PTBP2: variants seen among roughly 807,000 people sequenced by gnomAD.
PTBP2 encodes the protein polypyrimidine tract-binding protein 2.
PTBP2 carries 13 observed loss-of-function variants against 61.4 expected under a neutral mutation model. That is an observed-to-expected ratio of 0.21 (90% CI 0.14 to 0.34). The LOEUF (loss-of-function observed/expected upper bound fraction) is 0.34. Ranked by LOEUF, PTBP2 falls within the 10% of genes least tolerant of loss-of-function variation. PTBP2 has a pLI of 1.00. For missense variants in PTBP2, 405 were observed against 642.6 expected, an observed-to-expected ratio of 0.63 and a Z score of 4.00; for synonymous variants, 215 against 218.5, an observed-to-expected ratio of 0.98 and a Z score of 0.14.
intron 2 of PTBP2, among the ~76,000 whole-genome samples, chr1:96,744,779 G>T (rs1653525479): frequency 6.6e-6 from 1 of 152,074 alleles, no homozygotes; most frequent in African/African-American, 2.4e-5. Context: ...ATTATGGTTT[G>T]ATCATTCTTT....
At chr1:96,815,714 CAAGA>C (rs1028077265), downstream of PTBP2, 4 of 151,948 alleles carry the variant, frequency 2.6e-5, no homozygotes, top group Non-Finnish European at 5.9e-5. Flanking sequence ...CAGTTACCTC[CAAGA>C]AAGAAGAATA....
exon 14 of PTBP2, chr1:96,820,068 G>T (rs992887803): frequency 1.3e-5 from 2 of 151,902 alleles, no homozygotes; most frequent in African/African-American, 2.4e-5. Context: ...AAAAAGCATA[G>T]ACATTGACAT....
intron 2 of PTBP2, among the ~76,000 whole-genome samples, chr1:96,729,040 T>C (rs1651003081): frequency 2.0e-5 from 3 of 152,174 alleles, no homozygotes. Flanking sequence ...TCATCAGATT[T>C]GCTTGAGAGG....
intron 8 of PTBP2, among the ~76,000 whole-genome samples, chr1:96,803,112 T>C (rs962332442): frequency 6.6e-6 from 1 of 152,152 alleles, no homozygotes; most frequent in Non-Finnish European, 1.5e-5. Context: ...CATGGAAAAG[T>C]TAGTAATATA....
chr1:96,732,975 G>A (rs1651639852), intron 2 of PTBP2, among the ~76,000 whole-genome samples: 1 of 150,846 alleles, frequency 6.6e-6, no homozygotes, highest in African/African-American at 2.4e-5. Context: ...CTATATACCT[G>A]TAATTTTCCA....
intron 2 of PTBP2, 66 bp downstream of exon 2, chr1:96,723,660 A>G (rs1557676980): frequency 1.4e-6 from 2 of 1,442,720 alleles, no homozygotes; most frequent in East Asian, 4.6e-5. Flanking sequence ...GGAAAATTTT[A>G]GCTTTTGCTT....
Position 96,813,390 on chromosome 1 carries a change from C to A in PTBP2, c.1581C>A (p.Ser527=). The part of the protein sequence containing the change: ...GENHHLRVSF[S]KSTI ...ACCATCATCTGAGAGTGTCTTTCTC[C>A]AAGTCAACAATTTAAAAATGGGAAG... The change falls in exon 14 of 14, where the codon TCC becomes TCA. Residue 527 remains serine, a synonymous_variant. Transcript: ENST00000674951. 1 of 1,589,596 alleles carries A rather than the reference C, an allele frequency of 6.3e-7. No homozygotes were observed. Among genetic ancestry groups the A allele is most frequent in the Non-Finnish European group, 8.6e-7 (1 of 1,168,742 alleles).
chr1:96,742,329 A>G (rs948400989), intron 2 of PTBP2, among the ~76,000 whole-genome samples: 2 of 152,340 alleles, frequency 1.3e-5, no homozygotes, highest in Middle Eastern at 3.4e-3. Flanking sequence ...GAACAGGGAT[A>G]CTTGGACTAA....
Position 96,813,495 on chromosome 1 carries a change from T to G in PTBP2, c.*90T>G. On this transcript the variant is annotated 3_prime_UTR_variant, in exon 14 of 14. Coordinates refer to ENST00000674951, the MANE Select transcript of PTBP2 (RefSeq NM_021190.4). ...AGAAAAGTGGGGACCAGAGTTTGAT[T>G]TTTTTTGTTTTTGTTTTTTTGGGGT... The G allele has an allele frequency of 7.8e-7, 1 of 1,283,678 alleles. No individual in the cohort carries two copies. The allele number at this position is 1,283,678 out of a possible 1,614,324, so 79.5% of individuals were successfully genotyped here. A position where few individuals can be genotyped will look rare whatever the true frequency, so the allele number is the denominator to read the frequency against.
At chr1:96,744,324 A>T (rs605401) in intron 2 of PTBP2, among the ~76,000 whole-genome samples, 50,645 of 151,996 alleles carry the variant, frequency 0.33, 8,699 homozygotes, top group East Asian at 0.46. Flanking sequence ...ATATATATAT[A>T]TTTTTTAATT....
intron 2 of PTBP2, among the ~76,000 whole-genome samples, chr1:96,745,554 A>G (rs2100877415): frequency 1.3e-5 from 2 of 152,292 alleles, no homozygotes; most frequent in Admixed American, 1.3e-4. Context: ...TTTTTCATGT[A>G]AATGACAAAA....
intron 2 of PTBP2, among the ~76,000 whole-genome samples, chr1:96,740,108 C>A (rs982188419): frequency 1.3e-5 from 2 of 152,120 alleles, no homozygotes; most frequent in African/African-American, 4.8e-5. Flanking sequence ...GATTTCCTCC[C>A]TTTTTAAGGC....
intron 2 of PTBP2, among the ~76,000 whole-genome samples, chr1:96,725,065 G>A (rs933899048): frequency 6.6e-6 from 1 of 152,154 alleles, no homozygotes; most frequent in Admixed American, 6.5e-5. Context: ...TCCAAGTTGA[G>A]TTAGTCATGG....
At chr1:96,727,034 C>G (rs1031208609) in intron 2 of PTBP2, among the ~76,000 whole-genome samples, 2 of 152,220 alleles carry the variant, frequency 1.3e-5, no homozygotes, top group African/African-American at 2.4e-5. Flanking sequence ...CCTACAGTAT[C>G]ATCTTGCGCC....
intron 2 of PTBP2, 34 bp from the exon 3 acceptor site, chr1:96,751,391 G>T: frequency 6.8e-7 from 1 of 1,480,064 alleles, no homozygotes; most frequent in Non-Finnish European, 9.4e-7. Flanking sequence ...TAAATTTAAA[G>T]ATGTCTTATG....
chr1:96,761,887 A>ACTTC (rs1032529206), intron 3 of PTBP2, among the ~76,000 whole-genome samples: 21 of 152,036 alleles, frequency 1.4e-4, no homozygotes, highest in African/African-American at 4.8e-4. Flanking sequence ...GACCCTGCGG[A>ACTTC]CTTCCGCAGT....
rs1656435628 is a variant in PTBP2 at position 96,764,580 on chromosome 1, C to T, written c.116-5123C>T. On this transcript the variant is annotated intron_variant, in intron 3 of 13. Transcript: ENST00000674951. ...TTGCTCTACCTGAAAGCAGTTAAAC[C>T]ATTCCATAGAGTCTGGAACATTTTA... Among the ~76,000 whole-genome samples the T allele has an allele frequency of 1.3e-5, 2 of 152,150 alleles. 1 individual carries two copies. The highest frequency in any genetic ancestry group is 4.1e-4 in the South Asian group (2 of 4,832).
chr1:96,725,309 T>G (rs1650259060), intron 2 of PTBP2, among the ~76,000 whole-genome samples: 1 of 151,290 alleles, frequency 6.6e-6, no homozygotes, highest in African/African-American at 2.4e-5. Context: ...CAGTTTTTTT[T>G]TTTTTTTTTT....
intron 8 of PTBP2, among the ~76,000 whole-genome samples, chr1:96,796,735 GTGTTGGCTCAAGCCTAAGCTTGAGCCT>G: frequency 6.6e-6 from 1 of 152,250 alleles, no homozygotes; most frequent in African/African-American, 2.4e-5. Flanking sequence ...AATGAGCAGA[GTGTTGGCTCAAGCCTAAGCTTGAGCCT>G]AAGCTTGACT....
Sources: gnomAD v4.1 joint callset for allele counts (sites outside exome capture counted in the v4.1 genomes callset) on GRCh38, gnomAD v4.1.1 for gene constraint, MANE v1.5 for transcripts, NCBI Gene and HGNC (gene_info 2026-07-23, HGNC 2026-07-21) for gene names.